DNAJC14: variants seen among roughly 807,000 people sequenced by gnomAD.
DNAJC14 encodes dnaJ homolog subfamily C member 14.
In DNAJC14, 12 loss-of-function variants were observed where a neutral mutation model predicts 68.8. The ratio of observed to expected loss-of-function variants is 0.17; its 90% CI spans 0.11 to 0.28. The LOEUF (loss-of-function observed/expected upper bound fraction) is 0.28, where lower values mean the gene tolerates loss of function less well. DNAJC14 is among the 10% of genes least tolerant of loss of function. The probability of loss-of-function intolerance (pLI) is 1.00; values close to 1 mark genes in which losing one functional copy is unlikely to be tolerated. For missense variants in DNAJC14, 764 were observed against 875.6 expected (o/e 0.87, Z 1.61); for synonymous variants, 350 against 321.5 (o/e 1.09, Z -0.95).
Position 55,827,265 on chromosome 12 carries a change from T to C in DNAJC14, c.1394A>G (p.Gln465Arg), listed in dbSNP as rs752901665. ...SDVELKKAYR[Q>R]LAVMVHPDKN... is the part of the protein sequence containing the mutation. ...AAGGGTACTCACCATCACTGCCAGC[T>C]GTCTATAGGCCTTCTTCAGTTCAAC... is the stretch of plus-strand genomic sequence containing the variant. The change falls in exon 2 of 7, where the codon CAG (glutamine) becomes CGG (arginine). Residue 465 changes from glutamine (Q) to arginine (R), a missense_variant. Around this residue, in one of 4 missense-constraint regions of DNAJC14, gnomAD observed 110 missense variants for 162.7 expected, o/e 0.68. Coordinates refer to ENST00000678005, the MANE Select transcript of DNAJC14 (RefSeq NM_032364.6). The C allele has an allele frequency of 3.3e-6, 5 of 1,493,990 alleles. No homozygotes were observed. In the Admixed American group the frequency reaches 1.1e-4, roughly 34 times the overall value. 92.5% of individuals were successfully genotyped at this position (1,493,990 alleles called of 1,614,324 possible).
At chr12:55,822,344 G>C in intron 6 of DNAJC14, 29 bp downstream of exon 6, 1 of 1,603,300 alleles carries the variant, frequency 6.2e-7, no homozygotes, top group Non-Finnish European at 8.5e-7. Flanking sequence ...TGAAATAGTG[G>C]ATAGATTATT....
At position 55,828,575 on chromosome 12, in the gene DNAJC14, G is replaced by C; in HGVS notation, c.84C>G (p.Ser28=). 1.2e-6 allele frequency: 2 copies of C among 1,614,098 alleles called. No individual in the cohort carries two copies. The highest frequency in any genetic ancestry group is 2.2e-5 in the South Asian group (2 of 91,082). Residue 28 remains serine, a synonymous_variant, in exon 2 of 7, where the codon TCC becomes TCG. Coordinates refer to ENST00000678005, the MANE Select transcript of DNAJC14 (RefSeq NM_032364.6). ...GGASLRTLGP[S]VDPEIPSFSG... is the part of the protein sequence containing the mutation. ...AGAATGAAGGTATTTCAGGGTCCAC[G>C]GAGGGTCCTAAAGTCCTGAGGGAGG...
At chr12:55,822,276 A>G in intron 6 of DNAJC14, 89 bp from the exon 7 acceptor site, 2 of 1,532,524 alleles carry the variant, frequency 1.3e-6, no homozygotes, top group Non-Finnish European at 1.8e-6. Flanking sequence ...CAAACTTCCT[A>G]GAAAACAAGG....
In DNAJC14 at chr12:55,821,839, G is replaced by A; in HGVS notation, c.*138C>T. ...ACCACTGCACTCCAGCTGGGCAACA[G>A]AGCAAGACTCCATCTCAAAAAATAA... On this transcript the variant is annotated 3_prime_UTR_variant, in exon 7 of 7. Transcript: ENST00000678005. 1 of 988,618 alleles carries A rather than the reference G, an allele frequency of 1.0e-6. No individual in the cohort carries two copies. Among genetic ancestry groups the A allele is most frequent in the Non-Finnish European group, 1.5e-6 (1 of 684,420 alleles). The allele number at this position is 988,618 out of a possible 1,614,324, so 61.2% of individuals were successfully genotyped here.
rs1565690583 is a variant in DNAJC14 at position 55,828,292 on chromosome 12, G to A, written c.367C>T (p.Leu123Phe). Residue 123 changes from leucine (L) to phenylalanine (F), a missense_variant, in exon 2 of 7, where the codon CTT (leucine) becomes TTT (phenylalanine). Leu to Phe is a conservative substitution (Grantham distance 22). Transcript: ENST00000678005. Reference sequence around the variant, plus strand: ...CAGTTGCAAGCAGATGGAATGGAAAGAAAAGAGTTCCCATCCTTCTGGTTC... The same window carrying A: ...CAGTTGCAAGCAGATGGAATGGAAAAAAAAGAGTTCCCATCCTTCTGGTTC... ...TGNQKDGNSFLSIPSACNCQG... is the reference protein window; with the variant it reads ...TGNQKDGNSFFSIPSACNCQG... 1.2e-6 allele frequency: 2 copies of A among 1,610,442 alleles called. No individual in the cohort carries two copies. Among genetic ancestry groups the A allele is most frequent in the Admixed American group, 3.4e-5 (2 of 59,018 alleles).
At chr12:55,830,527 C>G (rs1360493563), upstream of DNAJC14, 1 of 152,188 alleles carries the variant, frequency 6.6e-6, no homozygotes, top group Non-Finnish European at 1.5e-5. Context: ...CCCGACCACC[C>G]GGTTCTCCAG....
At chr12:55,824,480 A>T (rs542855679) in intron 2 of DNAJC14, among the ~76,000 whole-genome samples, 26 of 152,186 alleles carry the variant, frequency 1.7e-4, no homozygotes, top group Non-Finnish European at 3.7e-4. Context: ...AGATAAAGCT[A>T]GTCTCCTGAC....
In DNAJC14 at chr12:55,821,991, G is replaced by A; in HGVS notation, c.2095C>T (p.Pro699Ser). ...KPKRRKKVRRPFQR is the reference protein window; with the variant it reads ...KPKRRKKVRRSFQR ...GAGAAGGGGCATCAACGTTGGAAGG[G>A]CCTCCTCACTTTCTTCCGCCGCTTA... The change falls in exon 7 of 7, where the codon CCC (proline) becomes TCC (serine). Residue 699 changes from proline (P) to serine (S), a missense_variant. By Grantham distance (74) the Pro-to-Ser change is moderately conservative. Coordinates refer to ENST00000678005, the MANE Select transcript of DNAJC14 (RefSeq NM_032364.6). 3.1e-6 allele frequency: 5 copies of A among 1,612,344 alleles called. No individual in the cohort carries two copies. Among genetic ancestry groups the A allele is most frequent in the African/African-American group, 1.3e-5 (1 of 74,916 alleles).
upstream of DNAJC14, chr12:55,829,713 G>T (rs1283199316): frequency 6.0e-6 from 4 of 664,864 alleles, no homozygotes; most frequent in Non-Finnish European, 7.4e-6. Flanking sequence ...TCCAGCTAGG[G>T]CTGCGTCGAC....
chr12:55,826,225 A>G (rs897035537), intron 2 of DNAJC14, among the ~76,000 whole-genome samples: 2 of 152,050 alleles, frequency 1.3e-5, no homozygotes, highest in African/African-American at 4.8e-5. Context: ...TCTCGTGACA[A>G]ACAAAATGGA....
chr12:55,821,862 TA>T lies in DNAJC14; in HGVS notation c.*114del. 1 of 1,212,860 alleles carries T rather than the reference TA, an allele frequency of 8.2e-7. No homozygotes were observed. The highest frequency in any genetic ancestry group is 1.1e-6 in the Non-Finnish European group (1 of 878,936). 75.1% of individuals were successfully genotyped at this position (1,212,860 alleles called of 1,614,324 possible). A position where few individuals can be genotyped will look rare whatever the true frequency, so the allele number is the denominator to read the frequency against. The stretch of plus-strand genomic sequence containing the variant: ...CAGAGCAAGACTCCATCTCAAAAAA[TA>T]AAAAGAAAAAGATTCAGTTCCTAGG... On this transcript the variant is annotated 3_prime_UTR_variant, in exon 7 of 7. Coordinates refer to ENST00000678005, the MANE Select transcript of DNAJC14 (RefSeq NM_032364.6).
rs1488098107 is a variant in DNAJC14, at chr12:55,824,452, C to T, written c.1408-944G>A. Among the ~76,000 whole-genome samples the T allele has an allele frequency of 2.0e-5, 3 of 152,126 alleles. No individual in the cohort carries two copies. In the East Asian group the frequency reaches 5.8e-4, roughly 29 times the overall value. On this transcript the variant is annotated intron_variant, in intron 2 of 6. Transcript: ENST00000678005. ...ACAGCTTCCTGATTGTACCCATCCC[C>T]ATTCCCCAAAAATGCAGAGATAAAG... is the stretch of plus-strand genomic sequence containing the variant.
At position 55,827,794 on chromosome 12, in the gene DNAJC14, C is replaced by G. The variant is rs1464420030; in HGVS notation, c.865G>C (p.Val289Leu). 2 of 1,613,976 alleles carry G rather than the reference C, an allele frequency of 1.2e-6. No individual in the cohort carries two copies. Among genetic ancestry groups the G allele is most frequent in the Admixed American group, 1.7e-5 (1 of 59,960 alleles). The change falls in exon 2 of 7, where the codon GTT (valine) becomes CTT (leucine). Residue 289 changes from valine to leucine, a missense_variant. Around this residue, in one of 4 missense-constraint regions of DNAJC14, gnomAD observed 514 missense variants for 521.7 expected, o/e 0.99. Transcript: ENST00000678005. The part of the protein sequence containing the change: ...LKSSDLDLFR[V>L]WMGVWTGRLG... ...CGCCCTGTCCACACTCCCATCCAAA[C>G]TCGAAAAAGGTCCAAATCACTGCTT...
Position 55,821,940 on chromosome 12 carries a change from G to GACTCT in DNAJC14, c.*36_*37insAGAGT. The GACTCT allele has an allele frequency of 6.3e-7, 1 of 1,576,972 alleles. No homozygotes were observed. Among genetic ancestry groups the GACTCT allele is most frequent in the Non-Finnish European group, 8.6e-7 (1 of 1,160,430 alleles). On this transcript the variant is annotated 3_prime_UTR_variant, in exon 7 of 7. Coordinates refer to ENST00000678005, the MANE Select transcript of DNAJC14 (RefSeq NM_032364.6). ...CTCCATCCTGTGCTACAGCCCTTTT[G>GACTCT]ACTCCCTGACATTGATTTGAGGAAA...
rs1880914816 is a variant in DNAJC14, at chr12:55,829,567, T to C, written c.-135A>G. On this transcript the variant is annotated 5_prime_UTR_variant, in exon 1 of 7. Transcript: ENST00000678005. ...GAGCTACGAGAGCCGCTCTCCCGGC[T>C]CCGCCTCCCGCTCACGCTCTGCTTC... 2.0e-6 allele frequency: 2 copies of C among 984,648 alleles called. No homozygotes were observed. The highest frequency in any genetic ancestry group is 1.2e-6 in the Non-Finnish European group (1 of 829,840). The allele number at this position is 984,648 out of a possible 1,614,324, so 61.0% of individuals were successfully genotyped here. A position where few individuals can be genotyped will look rare whatever the true frequency, so the allele number is the denominator to read the frequency against.
Position 55,821,781 on chromosome 12 carries a change from C to G in DNAJC14, c.*196G>C. Reference sequence around the variant, plus strand: ...CTGAGATGGGAGAATTGCTTGAACCCGGGAGACAGAGGTTGCAGTAAGCTG... The same window carrying G: ...CTGAGATGGGAGAATTGCTTGAACCGGGGAGACAGAGGTTGCAGTAAGCTG... On this transcript the variant is annotated 3_prime_UTR_variant, in exon 7 of 7. Coordinates refer to ENST00000678005, the MANE Select transcript of DNAJC14 (RefSeq NM_032364.6). 1 of 442,152 alleles carries G rather than the reference C, an allele frequency of 2.3e-6. No individual in the cohort carries two copies. Among genetic ancestry groups the G allele is most frequent in the Non-Finnish European group, 3.8e-6 (1 of 265,190 alleles). 27.4% of individuals were successfully genotyped at this position (442,152 alleles called of 1,614,324 possible).
chr12:55,821,059 TAAAAAA>T lies in DNAJC14; in HGVS notation c.*912_*917del, dbSNP rs150092729. 3 of 150,594 alleles carry T rather than the reference TAAAAAA, an allele frequency of 2.0e-5. No homozygotes were observed. The highest frequency in any genetic ancestry group is 7.3e-5 in the African/African-American group (3 of 40,892). The allele number at this position is 150,594 out of a possible 1,614,324, so 9.3% of individuals were successfully genotyped here. A position where few individuals can be genotyped will look rare whatever the true frequency, so the allele number is the denominator to read the frequency against. On this transcript the variant is annotated 3_prime_UTR_variant, in exon 7 of 7. Transcript: ENST00000678005. Reference sequence around the variant, plus strand: ...ATGTACATACAAATATGAACAAACTTAAAAAAAAAATACAAACCCTTGGATCACATG... The same window carrying T: ...ATGTACATACAAATATGAACAAACTTAAAATACAAACCCTTGGATCACATG...
intron 3 of DNAJC14, 58 bp downstream of exon 3, chr12:55,823,344 T>G: frequency 5.0e-6 from 8 of 1,603,518 alleles, no homozygotes; most frequent in Non-Finnish European, 6.0e-6. Flanking sequence ...TCCAGATGCC[T>G]CTGCTATTGA....
chr12:55,822,040 T>A lies in DNAJC14; in HGVS notation c.2046A>T (p.Thr682=), dbSNP rs750435146. 5 of 1,613,976 alleles carry A rather than the reference T, an allele frequency of 3.1e-6. No individual in the cohort carries two copies. The highest frequency in any genetic ancestry group is 4.2e-6 in the Non-Finnish European group (5 of 1,179,992). The part of the protein sequence containing the change: ...GAAAASKPNS[T]VPKGEAKPKR... The stretch of plus-strand genomic sequence containing the variant: ...TAGGTTTGGCTTCTCCCTTGGGTAC[T>A]GTGCTGTTGGGCTTAGAGGCTGCAG... Residue 682 remains threonine, a synonymous_variant, in exon 7 of 7, where the codon ACA becomes ACT. Transcript: ENST00000678005.
Sources: allele counts gnomAD v4.1 joint callset (sites outside exome capture counted in the v4.1 genomes callset), GRCh38; gene constraint gnomAD v4.1.1; regional missense constraint gnomAD v4.1.1; transcripts MANE v1.5; gene names NCBI Gene and HGNC (gene_info 2026-07-23, HGNC 2026-07-21).